The following FGD4 variants were observed in gnomAD, a reference collection of about 807,000 sequenced individuals.
FGD4 encodes FYVE, RhoGEF and PH domain containing 4.
In FGD4, 42 loss-of-function variants were observed where a neutral mutation model predicts 102.0. That is an observed-to-expected ratio of 0.41 (90% confidence interval 0.32 to 0.53). The LOEUF (loss-of-function observed/expected upper bound fraction) is 0.53, where lower values mean the gene tolerates loss of function less well. Among genes scored for constraint, FGD4 ranks in the 20% least tolerant of loss-of-function variants. The pLI, the probability that FGD4 is intolerant of heterozygous loss-of-function variation, is 0.21. For missense variants in FGD4, 902 were observed against 1,078.2 expected (o/e 0.84, Z 2.29); for synonymous variants, 380 against 375.7 (o/e 1.01, Z -0.13).
At chr12:32,590,003 A>T (rs1328796385) in intron 4 of FGD4, among the ~76,000 whole-genome samples, 1 of 152,138 alleles carries the variant, frequency 6.6e-6, no homozygotes, top group African/African-American at 2.4e-5. Flanking sequence ...GATGCTTATG[A>T]CACTATATTA....
At chr12:32,552,923 A>T in intron 1 of FGD4, among the ~76,000 whole-genome samples, 1 of 148,630 alleles carries the variant, frequency 6.7e-6, no homozygotes, top group Non-Finnish European at 1.5e-5. Context: ...GATTACAGGC[A>T]TGCGCCACCA....
intron 1 of FGD4, among the ~76,000 whole-genome samples, chr12:32,533,700 C>T (rs866476331): frequency 6.6e-6 from 1 of 152,222 alleles, no homozygotes; most frequent in South Asian, 2.1e-4. Context: ...GCTGAGATTA[C>T]AGGCGTTAGC....
intron 1 of FGD4, among the ~76,000 whole-genome samples, chr12:32,490,908 A>G (rs1263441555): frequency 2.0e-5 from 3 of 152,180 alleles, no homozygotes; most frequent in Admixed American, 2.0e-4. Context: ...GAAAGCAAGT[A>G]TCAGAGGAGT....
rs1050116990 is a variant in FGD4, at chr12:32,480,176, T to G, written c.166+80217T>G. Among the ~76,000 whole-genome samples the G allele has an allele frequency of 1.9e-4, 29 of 151,472 alleles. 1 individual carries two copies. The highest frequency in any genetic ancestry group is 2.4e-4 in the Non-Finnish European group (16 of 67,854). On this transcript the variant is annotated intron_variant, in intron 1 of 16. Coordinates refer to ENST00000534526, the MANE Select transcript of FGD4 (RefSeq NM_001370298.3). ...TGGGGGTTTTTTTTGTTTTTTTTGT[T>G]TTGAGACTGAGTCTCGCTCTGTCAC...
At chr12:32,420,366 C>T (rs144258514) in intron 1 of FGD4, among the ~76,000 whole-genome samples, 2 of 152,092 alleles carry the variant, frequency 1.3e-5, no homozygotes, top group East Asian at 1.9e-4. Flanking sequence ...CATGTCTTTC[C>T]GTTCCCTTTC....
At chr12:32,495,786 G>T (rs1937777250) in intron 1 of FGD4, among the ~76,000 whole-genome samples, 2 of 151,390 alleles carry the variant, frequency 1.3e-5, no homozygotes, top group African/African-American at 4.9e-5. Flanking sequence ...CACCCGCCTT[G>T]CATATCACTG....
intron 1 of FGD4, among the ~76,000 whole-genome samples, chr12:32,482,482 A>G (rs929739424): frequency 6.6e-6 from 1 of 152,222 alleles, no homozygotes; most frequent in African/African-American, 2.4e-5. Context: ...AGTTACACAT[A>G]TGTTCTTCTC....
chr12:32,605,292 C>T (rs10743800), intron 7 of FGD4, among the ~76,000 whole-genome samples: 54,811 of 151,352 alleles, frequency 0.36, 10,517 homozygotes, highest in Middle Eastern at 0.49. Flanking sequence ...CAGCTGTAGC[C>T]AGAAGGTCTG....
In FGD4 at chr12:32,633,650, C is replaced by T. The variant is rs1592488932; in HGVS notation, c.2274C>T (p.Phe758=). ...ACTGTTATCAAATCATAAGTGGATT[C>T]ACAGACAGTGAAGAAAAGAAAAGAA... The part of the protein sequence containing the change: ...CKDCYQIISG[F]TDSEEKKRKG... The change falls in exon 15 of 17, where the codon TTC becomes TTT. Residue 758 remains phenylalanine (F), a synonymous_variant. Coordinates refer to ENST00000534526, the MANE Select transcript of FGD4 (RefSeq NM_001370298.3). 1 of 1,608,210 alleles carries T rather than the reference C, an allele frequency of 6.2e-7. No homozygotes were observed. The highest frequency in any genetic ancestry group is 8.5e-7 in the Non-Finnish European group (1 of 1,174,836).
chr12:32,620,019 G>GA (rs1949707418), intron 11 of FGD4, 149 bp downstream of exon 11: 1 of 936,812 alleles, frequency 1.1e-6, no homozygotes, highest in Non-Finnish European at 1.6e-6. Context: ...GTAGGTTCTT[G>GA]AAAAGCAGGA....
chr12:32,583,640 G>A (rs1592299515), intron 4 of FGD4, among the ~76,000 whole-genome samples: 1 of 152,164 alleles, frequency 6.6e-6, no homozygotes, highest in South Asian at 2.1e-4. Flanking sequence ...GCCTGGATGG[G>A]GTTTCTGCTC....
chr12:32,453,214 ATATATAATATAGATATATATATATTT>A (rs1565749030), intron 1 of FGD4, among the ~76,000 whole-genome samples: 11 of 52,160 alleles, frequency 2.1e-4, no homozygotes, highest in Non-Finnish European at 3.9e-4. Flanking sequence ...ATATATATAT[ATATATAATATAGATATATATATATTT>A]TTTTTTTTTT....
intron 1 of FGD4, among the ~76,000 whole-genome samples, chr12:32,480,800 T>C (rs1943737662): frequency 1.5e-5 from 2 of 133,116 alleles, no homozygotes; most frequent in South Asian, 5.6e-4. Flanking sequence ...CGCCCGGCCT[T>C]TTTTTTTTTT....
At chr12:32,539,581 A>T (rs1459705156) in intron 1 of FGD4, among the ~76,000 whole-genome samples, 3 of 152,182 alleles carry the variant, frequency 2.0e-5, no homozygotes, top group African/African-American at 4.8e-5. Flanking sequence ...GGGGGGAAAA[A>T]AAAAAAAGCC....
chr12:32,471,824 A>G (rs1443633468), intron 1 of FGD4, among the ~76,000 whole-genome samples: 1 of 152,202 alleles, frequency 6.6e-6, no homozygotes, highest in Non-Finnish European at 1.5e-5. Flanking sequence ...GTTAAGGACT[A>G]GGCCCAGAAC....
intron 1 of FGD4, among the ~76,000 whole-genome samples, chr12:32,406,184 C>T (rs1245017311): frequency 5.3e-5 from 8 of 151,900 alleles, no homozygotes; most frequent in Non-Finnish European, 1.0e-4. Context: ...TCAGGTGATC[C>T]GCCCGCCTCA....
intron 1 of FGD4, among the ~76,000 whole-genome samples, chr12:32,466,867 CAAAAAAAAAAA>C: frequency 1.6e-5 from 1 of 62,804 alleles, no homozygotes; most frequent in South Asian, 6.1e-4. Flanking sequence ...GAGTCTGTCT[CAAAAAAAAAAA>C]AAAAAAAAAA....
At chr12:32,454,882 G>A (rs1764311586) in intron 1 of FGD4, among the ~76,000 whole-genome samples, 1 of 151,996 alleles carries the variant, frequency 6.6e-6, no homozygotes, top group African/African-American at 2.4e-5. Flanking sequence ...CTTCCTTTCT[G>A]GGTGAAGTGA....
intron 1 of FGD4, among the ~76,000 whole-genome samples, chr12:32,524,193 G>A (rs941867012): frequency 2.0e-5 from 3 of 150,892 alleles, no homozygotes; most frequent in African/African-American, 4.9e-5. Flanking sequence ...TCAGGAGATC[G>A]AGACCATCCT....
Sources: allele counts gnomAD v4.1 joint callset (sites outside exome capture counted in the v4.1 genomes callset), GRCh38; gene constraint gnomAD v4.1.1; transcripts MANE v1.5; gene names NCBI Gene and HGNC (gene_info 2026-07-23, HGNC 2026-07-21).